GCSAML: variants seen among roughly 807,000 people sequenced by gnomAD.
The protein encoded by GCSAML is germinal center-associated signaling and motility-like protein.
GCSAML carries 9 observed loss-of-function variants against 13.0 expected under a neutral mutation model. The ratio of observed to expected loss-of-function variants is 0.69; its 90% confidence interval spans 0.42 to 1.21. The LOEUF (loss-of-function observed/expected upper bound fraction) is 1.21, where lower values mean the gene tolerates loss of function less well. GCSAML is among the 50% of genes most tolerant of loss of function. The probability of loss-of-function intolerance (pLI) is 0.00; values close to 1 mark genes in which losing one functional copy is unlikely to be tolerated. For synonymous variants in GCSAML, 37 were observed against 52.9 expected, an observed-to-expected ratio of 0.70 and a Z score of 1.31; for missense variants, 143 against 153.4, an observed-to-expected ratio of 0.93 and a Z score of 0.36.
At chr1:247,561,146 G>A (rs969689556) in intron 2 of GCSAML, among the ~76,000 whole-genome samples, 1 of 151,882 alleles carries the variant, frequency 6.6e-6, no homozygotes, top group African/African-American at 2.4e-5. Flanking sequence ...TACAGACAGG[G>A]TTTTGCCATG....
At chr1:247,551,127 G>A (rs919674494) in intron 1 of GCSAML, among the ~76,000 whole-genome samples, 1 of 152,184 alleles carries the variant, frequency 6.6e-6, no homozygotes, top group East Asian at 1.9e-4. Flanking sequence ...TAAGGCAGGT[G>A]CTAATGTGTT....
At chr1:247,551,877 T>A (rs1667789855) in intron 1 of GCSAML, among the ~76,000 whole-genome samples, 2 of 152,224 alleles carry the variant, frequency 1.3e-5, no homozygotes, top group African/African-American at 4.8e-5. Flanking sequence ...TCTGTCTGTT[T>A]AGATTCTTCT....
At chr1:247,573,201 C>A (rs754715152) in intron 4 of GCSAML, among the ~76,000 whole-genome samples, 9 of 152,140 alleles carry the variant, frequency 5.9e-5, no homozygotes, top group Non-Finnish European at 1.3e-4. Flanking sequence ...ATTGGTGTTC[C>A]AGGCACCACT....
chr1:247,572,928 G>T (rs113332903), intron 4 of GCSAML, among the ~76,000 whole-genome samples: 2 of 152,146 alleles, frequency 1.3e-5, no homozygotes, highest in African/African-American at 2.4e-5. Context: ...GTTGGAGTGG[G>T]CTCAGTCCAG....
upstream of GCSAML, among the ~76,000 whole-genome samples, chr1:247,545,965 AAAAATCACG>A (rs1398023377): frequency 6.6e-6 from 1 of 151,826 alleles, no homozygotes; most frequent in African/African-American, 2.4e-5. Context: ...AGAAAAAAGA[AAAAATCACG>A]AAGAGCTACA....
intron 1 of GCSAML, among the ~76,000 whole-genome samples, chr1:247,556,150 T>C (rs921018737): frequency 5.3e-5 from 8 of 152,192 alleles, no homozygotes; most frequent in Admixed American, 3.3e-4. Flanking sequence ...AGTTTGCATG[T>C]TGGGTCACAA....
intron 1 of GCSAML, among the ~76,000 whole-genome samples, chr1:247,521,235 T>G (rs988248984): frequency 1.3e-5 from 2 of 152,094 alleles, no homozygotes; most frequent in African/African-American, 4.8e-5. Context: ...ACCTGCAGTA[T>G]TAATTATAAC....
At chr1:247,571,455 A>T (rs1020187556) in intron 4 of GCSAML, among the ~76,000 whole-genome samples, 1 of 152,124 alleles carries the variant, frequency 6.6e-6, no homozygotes, top group Admixed American at 6.5e-5. Context: ...TCCTTCACTT[A>T]TGAAGCTTAG....
chr1:247,511,556 T>G (rs1174554910), intron 1 of GCSAML, among the ~76,000 whole-genome samples: 1 of 152,200 alleles, frequency 6.6e-6, no homozygotes, highest in Admixed American at 6.5e-5. Flanking sequence ...GATCCTGTCA[T>G]TATGATGCTA....
intron 4 of GCSAML, among the ~76,000 whole-genome samples, chr1:247,568,196 A>G (rs756342116): frequency 7.2e-5 from 11 of 152,080 alleles, no homozygotes; most frequent in Non-Finnish European, 1.6e-4. Context: ...CCATTTGTCA[A>G]TTTTGGCTTC....
intron 1 of GCSAML, among the ~76,000 whole-genome samples, chr1:247,507,448 C>T (rs933663928): frequency 6.6e-6 from 1 of 152,138 alleles, no homozygotes; most frequent in African/African-American, 2.4e-5. Context: ...GTGGCATTTT[C>T]TTTGAGCTGG....
At chr1:247,554,469 C>T (rs934994503) in intron 1 of GCSAML, among the ~76,000 whole-genome samples, 4 of 152,010 alleles carry the variant, frequency 2.6e-5, no homozygotes, top group African/African-American at 4.8e-5. Context: ...CCACAACTTT[C>T]TTGTTTCCTT....
chr1:247,566,296 G>T (rs1668362197), intron 4 of GCSAML, among the ~76,000 whole-genome samples: 1 of 152,158 alleles, frequency 6.6e-6, no homozygotes, highest in African/African-American at 2.4e-5. Flanking sequence ...AGGCTGGGGT[G>T]CAGTGGCACG....
rs1471595159 is a variant in GCSAML at position 247,577,289 on chromosome 1, T to A, written c.*2907T>A. On this transcript the variant is annotated 3_prime_UTR_variant, in exon 5 of 5. Coordinates refer to ENST00000366488, the MANE Select transcript of GCSAML (RefSeq NM_145278.5). ...ACTGTAAGGGTAGAGTTATAAGAAT[T>A]TTGTCAAATGTATTCACCCATGTAG... 2.0e-5 allele frequency: 3 copies of A among 152,156 alleles called. No homozygotes were observed. Among genetic ancestry groups the A allele is most frequent in the Non-Finnish European group, 4.4e-5 (3 of 68,036 alleles). The allele number at this position is 152,156 out of a possible 1,614,324, so 9.4% of individuals were successfully genotyped here.
intron 2 of GCSAML, chr1:247,528,681 A>AT (rs1666783997): frequency 6.6e-6 from 1 of 152,248 alleles, no homozygotes. Flanking sequence ...CTGGTTGTTA[A>AT]TTTTTTATAG....
At position 247,575,696 on chromosome 1, in the gene GCSAML, A is replaced by T. The variant is rs1343962480; in HGVS notation, c.*1314A>T. ...TTTCTAGCCAACAGAGAATCGAAGGATTCTGTTCAAATATTAGTAAAAATT... is the reference window on the plus strand; with the variant it reads ...TTTCTAGCCAACAGAGAATCGAAGGTTTCTGTTCAAATATTAGTAAAAATT... On this transcript the variant is annotated 3_prime_UTR_variant, in exon 5 of 5. Coordinates refer to ENST00000366488, the MANE Select transcript of GCSAML (RefSeq NM_145278.5). 1.3e-5 allele frequency: 2 copies of T among 152,210 alleles called. No homozygotes were observed. Among genetic ancestry groups the T allele is most frequent in the African/African-American group, 2.4e-5 (1 of 41,454 alleles). 9.4% of individuals were successfully genotyped at this position (152,210 alleles called of 1,614,324 possible).
At chr1:247,548,987 C>G, upstream of GCSAML, 1 of 1,404,108 alleles carries the variant, frequency 7.1e-7, no homozygotes, top group Non-Finnish European at 9.6e-7. This position sits in a 1 kb window ranked among gnomAD's most constrained non-coding sequence, Gnocchi z 5.3. Flanking sequence ...CACGCACACT[C>G]ACATTTTCCT....
chr1:247,538,640 G>T, intron 2 of GCSAML: 1 of 421,356 alleles, frequency 2.4e-6, no homozygotes, highest in Admixed American at 2.8e-5. Context: ...TTCCCTCCCT[G>T]CCTACCCCAG....
intron 4 of GCSAML, among the ~76,000 whole-genome samples, chr1:247,569,308 C>A (rs879750035): frequency 2.0e-5 from 3 of 152,124 alleles, no homozygotes; most frequent in Non-Finnish European, 4.4e-5. Flanking sequence ...ATGCTTCCAA[C>A]TTTTGCCCAT....
Sources: allele counts gnomAD v4.1 joint callset (sites outside exome capture counted in the v4.1 genomes callset), GRCh38; gene constraint gnomAD v4.1.1; non-coding constraint Gnocchi (gnomAD v3.1); transcripts MANE v1.5; gene names NCBI Gene and HGNC (gene_info 2026-07-23, HGNC 2026-07-21).